Variants in CHD2 observed in about 807,000 individuals in gnomAD.
The protein encoded by CHD2 is ATP-dependent chromatin remodeler CHD2.
A neutral mutation model predicts 243.9 loss-of-function variants in CHD2; 28 were observed. The ratio of observed to expected loss-of-function variants is 0.11; its 90% CI spans 0.09 to 0.16. The LOEUF (loss-of-function observed/expected upper bound fraction) is 0.16. Among genes scored for constraint, CHD2 ranks in the 10% least tolerant of loss-of-function variants. The pLI, the probability that CHD2 is intolerant of heterozygous loss-of-function variation, is 1.00. For missense variants in CHD2, 1,386 were observed against 2,209.8 expected (o/e 0.63, Z 7.47); for synonymous variants, 775 against 779.0 (o/e 0.99, Z 0.09).
chr15:92,998,576 C>T lies in CHD2; in HGVS notation c.3963C>T (p.Leu1321=). ...GAGCGGATTACTTGTTGAAGCTGCT[C>T]AGAAAGGGTCTGGAGAAGAAGGGGG... is the stretch of plus-strand genomic sequence containing the variant. ...QTRADYLLKL[L]RKGLEKKGAV... Residue 1321 remains leucine, a synonymous_variant, in exon 31 of 39, where the codon CTC becomes CTT. Coordinates refer to ENST00000394196, the MANE Select transcript of CHD2 (RefSeq NM_001271.4). This position sits in a 1 kb window ranked among gnomAD's most constrained non-coding sequence, Gnocchi z 5.1. 1.2e-6 allele frequency: 2 copies of T among 1,613,392 alleles called. No homozygotes were observed. Among genetic ancestry groups the T allele is most frequent in the Non-Finnish European group, 1.7e-6 (2 of 1,179,958 alleles).
At chr15:93,012,911 A>G (rs2054410625) in intron 36 of CHD2, among the ~76,000 whole-genome samples, 2 of 152,206 alleles carry the variant, frequency 1.3e-5, no homozygotes, top group African/African-American at 2.4e-5. Flanking sequence ...CAGAAGTGAC[A>G]TGGAGGAGGC....
intron 25 of CHD2, among the ~76,000 whole-genome samples, chr15:92,984,831 A>G (rs913183517): frequency 2.0e-5 from 3 of 152,346 alleles, no homozygotes; most frequent in Middle Eastern, 3.4e-3. Context: ...TCAGAAAGTC[A>G]CACCTCTGTT....
Position 92,901,307 on chromosome 15 carries a change from C to CT in CHD2, c.62+9dup. Reference sequence around the variant, plus strand: ...ACACAGCAATGCATCGAGGTATGAGCTATCAACTTTCTTCCTTTTTGTCTT... The same window carrying CT: ...ACACAGCAATGCATCGAGGTATGAGCTTATCAACTTTCTTCCTTTTTGTCTT... On this transcript the variant is annotated intron_variant, in intron 2 of 38. Coordinates refer to ENST00000394196, the MANE Select transcript of CHD2 (RefSeq NM_001271.4). 6.3e-7 allele frequency: 1 copy of CT among 1,585,262 alleles called. No homozygotes were observed. The highest frequency in any genetic ancestry group is 1.7e-4 in the Middle Eastern group (1 of 6,012).
intron 14 of CHD2, chr15:92,953,849 T>G (rs1344725912): frequency 1.0e-5 from 4 of 385,918 alleles, no homozygotes; most frequent in Non-Finnish European, 1.9e-5. Flanking sequence ...CCCTTTTTAC[T>G]TCTAAGATTG....
In CHD2 at chr15:92,953,531, T is replaced by A; in HGVS notation, c.1677T>A (p.Ile559=). ...QREFEIWAPE[I]NVVVYIGDLM... ...AGTTTGAAATCTGGGCACCAGAGAT[T>A]AACGTAGTGGTTTACATAGGTGACC... Residue 559 remains isoleucine (I), a synonymous_variant, in exon 14 of 39, where the codon ATT becomes ATA. Coordinates refer to ENST00000394196, the MANE Select transcript of CHD2 (RefSeq NM_001271.4). The A allele has an allele frequency of 6.2e-7, 1 of 1,614,130 alleles. No individual in the cohort carries two copies. Among genetic ancestry groups the A allele is most frequent in the Non-Finnish European group, 8.5e-7 (1 of 1,180,020 alleles).
intron 36 of CHD2, among the ~76,000 whole-genome samples, chr15:93,013,514 G>T (rs2054418637): frequency 6.6e-6 from 1 of 152,192 alleles, no homozygotes; most frequent in Admixed American, 6.5e-5. Context: ...TTCTGGAGGA[G>T]AATTCAGCAA....
chr15:93,023,524 C>A (rs1162554101), intron 38 of CHD2, among the ~76,000 whole-genome samples: 1 of 152,058 alleles, frequency 6.6e-6, no homozygotes, highest in Non-Finnish European at 1.5e-5. Flanking sequence ...GGATATGTGC[C>A]TGGGAGTGGA....
In CHD2 at chr15:92,997,133, C is replaced by T. The variant is rs367836239; in HGVS notation, c.3734+38C>T. ...TGTGTACATGCTTAGATGGTCGTAC[C>T]GTAAGAAAATAGATTTGAAGTTAGA... On this transcript the variant is annotated intron_variant, in intron 29 of 38. Transcript: ENST00000394196. The surrounding 1 kb of genome is among the most constrained non-coding windows in gnomAD (Gnocchi z 4.1). The T allele has an allele frequency of 1.0e-5, 16 of 1,604,080 alleles. No individual in the cohort carries two copies. Among genetic ancestry groups the T allele is most frequent in the East Asian group, 8.9e-5 (4 of 44,786 alleles).
At chr15:92,979,335 A>G (rs1396540496) in intron 22 of CHD2, 52 bp downstream of exon 22, 3 of 1,587,582 alleles carry the variant, frequency 1.9e-6, no homozygotes, top group South Asian at 2.3e-5. Context: ...ATTCTACATC[A>G]CTGTTGGATA....
intron 16 of CHD2, 23 bp from the exon 17 acceptor site, chr15:92,967,302 A>G (rs1016483396): frequency 1.9e-6 from 3 of 1,558,708 alleles, no homozygotes; most frequent in South Asian, 1.2e-5. Flanking sequence ...TGGCTAAATA[A>G]CACTATACTG....
intron 16 of CHD2, among the ~76,000 whole-genome samples, chr15:92,961,487 A>C (rs2053686711): frequency 6.6e-6 from 1 of 152,030 alleles, no homozygotes; most frequent in Non-Finnish European, 1.5e-5. Flanking sequence ...GTAACCTCGA[A>C]CTCCTGGGCT....
intron 19 of CHD2, 57 bp from the exon 20 acceptor site, chr15:92,974,822 A>C (rs1405867848): frequency 1.3e-6 from 2 of 1,519,196 alleles, no homozygotes; most frequent in East Asian, 4.5e-5. Context: ...CTGCTGTTCT[A>C]TTCTGAGTGT....
rs1398007632 is a variant in CHD2 at position 93,010,572 on chromosome 15, T to C, written c.4592+1249T>C. Among the ~76,000 whole-genome samples, 3 of 152,090 alleles carry C rather than the reference T, an allele frequency of 2.0e-5. No homozygotes were observed. The South Asian group carries it at 6.2e-4, about 32-fold the overall frequency. On this transcript the variant is annotated intron_variant, in intron 35 of 38. Transcript: ENST00000394196. The stretch of plus-strand genomic sequence containing the variant: ...CTAAGTAGCTGGGATTACAGGTGCC[T>C]GCCATCACGCCTGGCTAATTTTTGT...
intron 7 of CHD2, among the ~76,000 whole-genome samples, chr15:92,940,916 AT>A (rs2053363153): frequency 1.4e-5 from 2 of 140,718 alleles, no homozygotes; most frequent in Non-Finnish European, 3.1e-5. Context: ...ATATATATAA[AT>A]ATACATATAA....
chr15:92,909,633 C>T (rs1190562554), intron 2 of CHD2, among the ~76,000 whole-genome samples: 1 of 152,126 alleles, frequency 6.6e-6, no homozygotes, highest in African/African-American at 2.4e-5. Flanking sequence ...CAATCCCAGT[C>T]TCAGGTGGGA....
chr15:92,998,345 G>A lies in CHD2; in HGVS notation c.3886-154G>A. Reference sequence around the variant, plus strand: ...CGTGAGGGATTTTCAGTGACTGGGAGCCATGGACATGAGATAGGATCTGAG... The same window carrying A: ...CGTGAGGGATTTTCAGTGACTGGGAACCATGGACATGAGATAGGATCTGAG... On this transcript the variant is annotated intron_variant, in intron 30 of 38. Coordinates refer to ENST00000394196, the MANE Select transcript of CHD2 (RefSeq NM_001271.4). The surrounding 1 kb of genome is among the most constrained non-coding windows in gnomAD (Gnocchi z 5.1). 7 of 1,379,754 alleles carry A rather than the reference G, an allele frequency of 5.1e-6. No homozygotes were observed. Among genetic ancestry groups the A allele is most frequent in the Non-Finnish European group, 5.8e-6 (6 of 1,035,176 alleles). 85.5% of individuals were successfully genotyped at this position (1,379,754 alleles called of 1,614,324 possible).
rs927494296 is a variant in CHD2 at position 93,014,888 on chromosome 15, A to G, written c.4885A>G (p.Lys1629Glu). ...AAGAGATAACTACAATCACCCCAAC[A>G]AGAGACACTTCAGTAATGCAGGTAG... ...HPRDNYNHPN[K>E]RHFSNADRGD... is the part of the protein sequence containing the mutation. The change falls in exon 37 of 39, where the codon AAG becomes GAG. Residue 1629 changes from lysine (K) to glutamate (E), a missense_variant. Physicochemically the swap from Lys to Glu is moderately conservative, Grantham distance 56. Around this residue, in one of 19 missense-constraint regions of CHD2, gnomAD observed 347 missense variants for 341.6 expected, o/e 1.02. Transcript: ENST00000394196. The G allele has an allele frequency of 6.2e-7, 1 of 1,613,988 alleles. No homozygotes were observed. Among genetic ancestry groups the G allele is most frequent in the Non-Finnish European group, 8.5e-7 (1 of 1,179,968 alleles).
At chr15:92,968,564 C>T (rs1026294415) in intron 17 of CHD2, among the ~76,000 whole-genome samples, 5 of 152,086 alleles carry the variant, frequency 3.3e-5, no homozygotes, top group Non-Finnish European at 7.4e-5. Context: ...TTAGAGAGTA[C>T]AAAAGGGTGA....
At chr15:93,015,611 T>A (rs1228224987) in intron 37 of CHD2, among the ~76,000 whole-genome samples, 9 of 149,886 alleles carry the variant, frequency 6.0e-5, no homozygotes, top group Non-Finnish European at 1.5e-5. Flanking sequence ...ACCGTACATC[T>A]GATAAGGGGA....
Sources: gnomAD v4.1 joint callset for allele counts (sites outside exome capture counted in the v4.1 genomes callset) on GRCh38, gnomAD v4.1.1 for gene constraint, gnomAD v4.1.1 regional missense constraint, Gnocchi (gnomAD v3.1) non-coding constraint, MANE v1.5 for transcripts, NCBI Gene and HGNC (gene_info 2026-07-23, HGNC 2026-07-21) for gene names.